Variants in GALNT10 observed in about 807,000 individuals in gnomAD.
GALNT10 encodes GalNAc transferase 10.
A neutral mutation model predicts 75.0 loss-of-function variants in GALNT10; 41 were observed. The observed-to-expected ratio is 0.55, with a 90% CI of 0.43 to 0.71. The LOEUF is 0.71. GALNT10 is among the 30% of genes least tolerant of loss of function. GALNT10 has a pLI of 0.00. For missense variants in GALNT10, 727 were observed against 818.5 expected (o/e 0.89, Z 1.36); for synonymous variants, 302 against 313.0 (o/e 0.96, Z 0.37).
chr5:154,198,044 C>T (rs1216341964), intron 1 of GALNT10, among the ~76,000 whole-genome samples: 1 of 152,194 alleles, frequency 6.6e-6, no homozygotes, highest in Non-Finnish European at 1.5e-5. Flanking sequence ...CCTAAGACAG[C>T]CTCTTCAGTA....
chr5:154,240,626 A>G (rs550099149), intron 1 of GALNT10, among the ~76,000 whole-genome samples: 1 of 152,366 alleles, frequency 6.6e-6, no homozygotes, highest in South Asian at 2.1e-4. Flanking sequence ...AATGCTATTA[A>G]TTGATTGAAA....
intron 1 of GALNT10, among the ~76,000 whole-genome samples, chr5:154,277,912 T>A (rs1404557882): frequency 1.3e-5 from 2 of 152,222 alleles, no homozygotes; most frequent in Non-Finnish European, 2.9e-5. Context: ...TGAAAGGATC[T>A]CCAATCTGTC....
chr5:154,259,258 C>A (rs1466959889), intron 1 of GALNT10, among the ~76,000 whole-genome samples: 1 of 152,142 alleles, frequency 6.6e-6, no homozygotes, highest in Non-Finnish European at 1.5e-5. Context: ...AATTATTTTG[C>A]AGAATATCCC....
At chr5:154,290,552 T>C (rs1241802139) in intron 1 of GALNT10, among the ~76,000 whole-genome samples, 1 of 152,188 alleles carries the variant, frequency 6.6e-6, no homozygotes, top group East Asian at 1.9e-4. Flanking sequence ...AGTAGATTCT[T>C]AAAATCCTAA....
At chr5:154,199,747 C>A (rs1774997800) in intron 1 of GALNT10, among the ~76,000 whole-genome samples, 1 of 152,150 alleles carries the variant, frequency 6.6e-6, no homozygotes, top group Non-Finnish European at 1.5e-5. Context: ...CCCTGTAAAC[C>A]TCTCCCTTGT....
chr5:154,262,273 G>A lies in GALNT10; in HGVS notation c.160-32543G>A, dbSNP rs867666580. Among the ~76,000 whole-genome samples, 8 of 152,182 alleles carry A rather than the reference G, an allele frequency of 5.3e-5. No individual in the cohort carries two copies. In the South Asian group the frequency reaches 1.7e-3, roughly 32 times the overall value. On this transcript the variant is annotated intron_variant, in intron 1 of 11. Coordinates refer to ENST00000297107, the MANE Select transcript of GALNT10 (RefSeq NM_198321.4). ...TGCCTGGCATCAATGCAGGGAATTT[G>A]GCTAAGCCAGAGCTAGGTCACGGGA...
intron 2 of GALNT10, 50 bp downstream of exon 2, chr5:154,294,968 ACATATGCTTGTG>A: frequency 1.2e-6 from 1 of 858,570 alleles, no homozygotes; most frequent in Non-Finnish European, 2.0e-6. Context: ...GGGCATATGC[ACATATGCTTGTG>A]TGTGTGTGTG....
At chr5:154,405,364 AAGG>A in intron 8 of GALNT10, among the ~76,000 whole-genome samples, 1 of 152,308 alleles carries the variant, frequency 6.6e-6, no homozygotes, top group South Asian at 2.1e-4. Context: ...CGTGGAGGGA[AAGG>A]AGAGCCGGCA....
At chr5:154,305,679 A>G (rs1039270991) in intron 3 of GALNT10, among the ~76,000 whole-genome samples, 3 of 152,240 alleles carry the variant, frequency 2.0e-5, no homozygotes, top group Non-Finnish European at 2.9e-5. Context: ...ATGTTTATGT[A>G]CTTAATCAGT....
chr5:154,321,193 T>C (rs1754667609), intron 3 of GALNT10, among the ~76,000 whole-genome samples: 2 of 152,220 alleles, frequency 1.3e-5, no homozygotes, highest in African/African-American at 4.8e-5. Flanking sequence ...CATTTCAAAG[T>C]AAGTTGCAAA....
chr5:154,225,255 G>T (rs149909349), intron 1 of GALNT10, among the ~76,000 whole-genome samples: 2,767 of 151,792 alleles, frequency 0.018, 63 homozygotes, highest in African/African-American at 0.063. Flanking sequence ...ACCATGCCCG[G>T]CTAATTTTTT....
chr5:154,212,587 C>A (rs1752780768), intron 1 of GALNT10, among the ~76,000 whole-genome samples: 2 of 152,198 alleles, frequency 1.3e-5, no homozygotes, highest in South Asian at 4.1e-4. Context: ...AGATTACAAA[C>A]ATAAGGCTTA....
intron 1 of GALNT10, among the ~76,000 whole-genome samples, chr5:154,275,539 C>T (rs149499): frequency 6.6e-6 from 1 of 152,128 alleles, no homozygotes; most frequent in Non-Finnish European, 1.5e-5. Flanking sequence ...AAAAGAACAA[C>T]AGTCATTCAT....
chr5:154,291,324 G>T, intron 1 of GALNT10, among the ~76,000 whole-genome samples: 1 of 152,138 alleles, frequency 6.6e-6, no homozygotes, highest in East Asian at 1.9e-4. Flanking sequence ...TTTAAAGGTT[G>T]CCTAACCCTT....
At chr5:154,282,643 G>A (rs1314775048) in intron 1 of GALNT10, among the ~76,000 whole-genome samples, 1 of 152,172 alleles carries the variant, frequency 6.6e-6, no homozygotes, top group African/African-American at 2.4e-5. Flanking sequence ...TTTAGGATCA[G>A]GTGAGCCAGC....
At chr5:154,314,699 A>G (rs369838557) in intron 3 of GALNT10, among the ~76,000 whole-genome samples, 1 of 151,496 alleles carries the variant, frequency 6.6e-6, no homozygotes, top group African/African-American at 2.4e-5. Context: ...CAAAATTGTC[A>G]TCTGCTTGGC....
rs1348483386 is a variant in GALNT10 at position 154,418,482 on chromosome 5, C to T, written c.*1510C>T. On this transcript the variant is annotated 3_prime_UTR_variant, in exon 12 of 12. Coordinates refer to ENST00000297107, the MANE Select transcript of GALNT10 (RefSeq NM_198321.4). ...ATTCAGAAATGGAAATCACATTCCA[C>T]AATCTATGGCTTCCACCAGCTAGCC... 1 of 152,234 alleles carries T rather than the reference C, an allele frequency of 6.6e-6. No individual in the cohort carries two copies. Among genetic ancestry groups the T allele is most frequent in the Non-Finnish European group, 1.5e-5 (1 of 68,046 alleles). 9.4% of individuals were successfully genotyped at this position (152,234 alleles called of 1,614,324 possible). A position where few individuals can be genotyped will look rare whatever the true frequency, so the allele number is the denominator to read the frequency against.
intron 1 of GALNT10, among the ~76,000 whole-genome samples, chr5:154,263,750 C>T (rs1375395201): frequency 2.0e-5 from 3 of 152,090 alleles, no homozygotes; most frequent in Admixed American, 2.0e-4. Context: ...TCTAAGGGCA[C>T]TAATCCAAGC....
At chr5:154,329,179 T>G (rs1447027787) in intron 3 of GALNT10, among the ~76,000 whole-genome samples, 2 of 152,122 alleles carry the variant, frequency 1.3e-5, no homozygotes, top group Admixed American at 6.6e-5. Context: ...TAGCACTCCT[T>G]TTGCTTAGGA....
Sources: gnomAD v4.1 joint callset for allele counts (sites outside exome capture counted in the v4.1 genomes callset) on GRCh38, gnomAD v4.1.1 for gene constraint, MANE v1.5 for transcripts, NCBI Gene and HGNC (gene_info 2026-07-23, HGNC 2026-07-21) for gene names.